PLEC: variants seen among roughly 807,000 people sequenced by gnomAD.
PLEC encodes plectin.
PLEC carries 216 observed loss-of-function variants against 392.8 expected under a neutral mutation model. The observed-to-expected ratio is 0.55, with a 90% CI of 0.49 to 0.62. The LOEUF (loss-of-function observed/expected upper bound fraction) is 0.62, where lower values mean the gene tolerates loss of function less well. Among genes scored for constraint, PLEC ranks in the 20% least tolerant of loss-of-function variants. The pLI is 0.00. For synonymous variants in PLEC, 3,621 were observed against 2,980.6 expected, an observed-to-expected ratio of 1.21 and a Z score of -7.00; for missense variants, 6,863 against 6,563.4, an observed-to-expected ratio of 1.05 and a Z score of -1.58.
chr8:143,920,493 T>C lies in PLEC; in HGVS notation c.9328A>G (p.Thr3110Ala), dbSNP rs782042284. The C allele has an allele frequency of 6.2e-6, 10 of 1,609,404 alleles. No individual in the cohort carries two copies. The East Asian group carries it at 1.1e-4, about 18-fold the overall frequency. ...KAVTGYRDPYTGQSVSLFQAL... is the reference protein window; with the variant it reads ...KAVTGYRDPYAGQSVSLFQAL... ...TGGAACAGGGAGACGCTCTGCCCTG[T>C]GTAGGGGTCCCTGTACCCTGTCACA... The change falls in exon 32 of 32, where the codon ACA (threonine) becomes GCA (alanine). Residue 3110 changes from threonine to alanine, a missense_variant. Physicochemically the swap from Thr to Ala is moderately conservative, Grantham distance 58. Transcript: ENST00000345136.
In PLEC at chr8:143,932,120, G is replaced by A. The variant is rs781851162; in HGVS notation, c.2082+10C>T. The A allele has an allele frequency of 2.5e-6, 4 of 1,607,630 alleles. No homozygotes were observed. The highest frequency in any genetic ancestry group is 1.1e-5 in the South Asian group (1 of 90,814). ...CCCCCGCAGCCCCGCCCCTACCCAG[G>A]GAGCCCCACCTCCACCGTGGGCCGG... is the stretch of plus-strand genomic sequence containing the variant. On this transcript the variant is annotated intron_variant, in intron 17 of 31. Coordinates refer to ENST00000345136, the MANE Select transcript of PLEC (RefSeq NM_201384.3).
At chr8:143,962,355 C>T (rs1554741102) in intron 1 of PLEC, among the ~76,000 whole-genome samples, 1 of 152,190 alleles carries the variant, frequency 6.6e-6, no homozygotes, top group South Asian at 2.1e-4. Context: ...AAAGCGTGGA[C>T]CTGCCGACAC....
chr8:143,953,660 T>G, upstream of PLEC: 1 of 1,533,300 alleles, frequency 6.5e-7, no homozygotes, highest in Non-Finnish European at 8.9e-7. Context: ...CTGCGTGGAC[T>G]GCACCCAGCC....
intron 1 of PLEC, among the ~76,000 whole-genome samples, chr8:143,967,551 C>T (rs1833175464): frequency 1.3e-5 from 2 of 152,160 alleles, no homozygotes; most frequent in South Asian, 4.1e-4. Context: ...TACAAGTGTC[C>T]CTCGGTATCA....
chr8:143,938,009 A>G (rs1384863127), intron 3 of PLEC, 142 bp downstream of exon 3: 1 of 670,634 alleles, frequency 1.5e-6, no homozygotes, highest in African/African-American at 1.8e-5. Flanking sequence ...GGACGAGGCC[A>G]GCCTGCCCCC....
At chr8:143,975,918 A>T (rs558096609), upstream of PLEC, among the ~76,000 whole-genome samples, 27 of 151,890 alleles carry the variant, frequency 1.8e-4, no homozygotes, top group Admixed American at 3.3e-4. This position sits in a 1 kb window ranked among gnomAD's most constrained non-coding sequence, Gnocchi z 9.9. Context: ...AGGCGAGGCC[A>T]TCAAGGAAAG....
In PLEC at chr8:143,939,449, G is replaced by C. The variant is rs1554726764; in HGVS notation, c.13C>G (p.Gln5Glu). The stretch of plus-strand genomic sequence containing the variant: ...CCCTCGGGCTGCGGCACGCGGAGCT[G>C]GTGCTGAGACATGCTGCCCCCACAC... MSQHQLRVPQPEGLG... is the reference protein window; with the variant it reads MSQHELRVPQPEGLG... Residue 5 changes from glutamine to glutamate, a missense_variant, in exon 1 of 32, where the codon CAG (glutamine) becomes GAG (glutamate). By Grantham distance (29) the Gln-to-Glu change is conservative (BLOSUM62 2). Transcript: ENST00000345136. 1 of 1,611,670 alleles carries C rather than the reference G, an allele frequency of 6.2e-7. No individual in the cohort carries two copies. Among genetic ancestry groups the C allele is most frequent in the East Asian group, 2.2e-5 (1 of 44,862 alleles).
chr8:143,940,534 C>G (rs1275292779), upstream of PLEC, among the ~76,000 whole-genome samples: 1 of 152,202 alleles, frequency 6.6e-6, no homozygotes, highest in Non-Finnish European at 1.5e-5. Context: ...CCTGCGCTGG[C>G]TGGGGCCTCC....
At chr8:143,945,084 G>A (rs1214257902) in intron 1 of PLEC, 11 of 401,436 alleles carry the variant, frequency 2.7e-5, no homozygotes, top group African/African-American at 2.3e-4. Flanking sequence ...AAGCCAGGGG[G>A]TGCTCTTGGA....
chr8:143,926,913 A>G, intron 29 of PLEC, 31 bp from the exon 30 acceptor site: 1 of 1,608,102 alleles, frequency 6.2e-7, no homozygotes, highest in South Asian at 1.1e-5. Context: ...TAGCCCTGCG[A>G]GAGCTGCAGC....
chr8:143,936,292 G>T (rs543680430), intron 5 of PLEC, among the ~76,000 whole-genome samples: 1 of 152,186 alleles, frequency 6.6e-6, no homozygotes, highest in African/African-American at 2.4e-5. Flanking sequence ...CACACAGCAG[G>T]TGCCCACTCC....
chr8:143,947,928 C>A (rs1441749711), intron 1 of PLEC, among the ~76,000 whole-genome samples: 3 of 152,232 alleles, frequency 2.0e-5, no homozygotes, highest in Non-Finnish European at 4.4e-5. Flanking sequence ...CTGCTCCTGG[C>A]AGGGTAGGCA....
Position 143,920,310 on chromosome 8 carries a change from G to A in PLEC, c.9511C>T (p.Leu3171=), listed in dbSNP as rs532695816. ...GCLDEETSRA[L]SAPRADAKAY... ...TTGGCGTCGGCCCTTGGTGCCGACAGGGCCCTGCTGGTCTCCTCATCCAGG... is the reference window on the plus strand; with the variant it reads ...TTGGCGTCGGCCCTTGGTGCCGACAAGGCCCTGCTGGTCTCCTCATCCAGG... The change falls in exon 32 of 32, where the codon CTG becomes TTG. Residue 3171 remains leucine (L), a synonymous_variant. Coordinates refer to ENST00000345136, the MANE Select transcript of PLEC (RefSeq NM_201384.3). The A allele has an allele frequency of 3.8e-6, 6 of 1,590,726 alleles. No homozygotes were observed. In the East Asian group the frequency reaches 6.8e-5, roughly 18 times the overall value.
At chr8:143,972,784 C>T (rs1471744839) in intron 1 of PLEC, among the ~76,000 whole-genome samples, 1 of 152,184 alleles carries the variant, frequency 6.6e-6, no homozygotes, top group Non-Finnish European at 1.5e-5. Flanking sequence ...TCCCCGTGGG[C>T]GTGGACTAGG....
chr8:143,923,984 C>T lies in PLEC; in HGVS notation c.5945G>A (p.Arg1982Gln), dbSNP rs370788105. ...QRQLAAEEERRRREAEERVQK... is the reference protein window; with the variant it reads ...QRQLAAEEERQRREAEERVQK... Reference sequence around the variant, plus strand: ...CACGCGCTCCTCAGCCTCACGGCGCCGCCGCTCCTCCTCCGCCGCCAGCTG... The same window carrying T: ...CACGCGCTCCTCAGCCTCACGGCGCTGCCGCTCCTCCTCCGCCGCCAGCTG... The change falls in exon 31 of 32, where the codon CGG becomes CAG. Residue 1982 changes from arginine (R) to glutamine (Q), a missense_variant. Transcript: ENST00000345136. The T allele has an allele frequency of 4.7e-5, 74 of 1,584,990 alleles. 1 individual carries two copies. The highest frequency in any genetic ancestry group is 3.4e-4 in the Middle Eastern group (2 of 5,958).
upstream of PLEC, chr8:143,954,016 C>A: frequency 1.0e-6 from 1 of 965,826 alleles, no homozygotes; most frequent in Non-Finnish European, 1.4e-6. This position sits in a 1 kb window ranked among gnomAD's most constrained non-coding sequence, Gnocchi z 4.6. Flanking sequence ...CCCGCTAACC[C>A]CAGCCAGACT....
intron 1 of PLEC, among the ~76,000 whole-genome samples, chr8:143,971,621 C>G (rs906712199): frequency 1.3e-5 from 2 of 152,192 alleles, no homozygotes. Flanking sequence ...ACCAGCCCAG[C>G]CCCTCCCGTC....
At chr8:143,933,862 A>AC (rs1160099772) in intron 12 of PLEC, 136 bp downstream of exon 12, 73 of 726,474 alleles carry the variant, frequency 1.0e-4, no homozygotes, top group Non-Finnish European at 1.5e-4. Context: ...TGGATTCCCC[A>AC]CCACATGCCC....
upstream of PLEC, among the ~76,000 whole-genome samples, chr8:143,943,542 G>A (rs1197416375): frequency 5.9e-5 from 9 of 152,128 alleles, no homozygotes; most frequent in Admixed American, 1.3e-4. Context: ...GCCGGCCTCC[G>A]CTTCCACCCA....
Sources: allele counts gnomAD v4.1 joint callset (sites outside exome capture counted in the v4.1 genomes callset), GRCh38; gene constraint gnomAD v4.1.1; non-coding constraint Gnocchi (gnomAD v3.1); transcripts MANE v1.5; gene names NCBI Gene and HGNC (gene_info 2026-07-23, HGNC 2026-07-21).